Variants in GUCY1A1 observed in about 807,000 individuals in gnomAD.
GUCY1A1 encodes guanylate cyclase soluble subunit alpha-1.
GUCY1A1 carries 48 observed loss-of-function variants against 64.5 expected under a neutral mutation model. The ratio of observed to expected loss-of-function variants is 0.74; its 90% CI spans 0.59 to 0.95. The LOEUF (loss-of-function observed/expected upper bound fraction) is 0.95, where lower values mean the gene tolerates loss of function less well. GUCY1A1 is among the 40% of genes least tolerant of loss of function. GUCY1A1 has a pLI of 0.00. For synonymous variants in GUCY1A1, 308 were observed against 303.4 expected (o/e 1.02, Z -0.16); for missense variants, 804 against 825.3 (o/e 0.97, Z 0.32).
At chr4:155,688,215 G>A (rs186765408) in intron 2 of GUCY1A1, among the ~76,000 whole-genome samples, 89 of 151,372 alleles carry the variant, frequency 5.9e-4, no homozygotes, top group African/African-American at 2.1e-3. Flanking sequence ...GCGACAGAGC[G>A]AGACTCCTCA....
Position 155,732,159 on chromosome 4 carries a change from A to G in GUCY1A1, c.*1928A>G, listed in dbSNP as rs538508653. The G allele has an allele frequency of 6.6e-6, 1 of 152,020 alleles. No individual in the cohort carries two copies. Among genetic ancestry groups the G allele is most frequent in the Admixed American group, 6.6e-5 (1 of 15,222 alleles). The allele number at this position is 152,020 out of a possible 1,614,324, so 9.4% of individuals were successfully genotyped here. A position where few individuals can be genotyped will look rare whatever the true frequency, so the allele number is the denominator to read the frequency against. On this transcript the variant is annotated 3_prime_UTR_variant, in exon 10 of 10. Transcript: ENST00000506455. The stretch of plus-strand genomic sequence containing the variant: ...CTCAATTTGCTTACAATCTGTACTC[A>G]AAAAGTTTATAATTCAATCAGAATT...
At chr4:155,683,541 A>G (rs188402928) in intron 2 of GUCY1A1, among the ~76,000 whole-genome samples, 2 of 152,350 alleles carry the variant, frequency 1.3e-5, no homozygotes, top group Non-Finnish European at 2.9e-5. Flanking sequence ...GAAAATAGCA[A>G]ACTTGATTAA....
intron 2 of GUCY1A1, among the ~76,000 whole-genome samples, chr4:155,674,366 A>G (rs982395612): frequency 1.7e-4 from 26 of 150,326 alleles, no homozygotes; most frequent in Non-Finnish European, 1.5e-4. Context: ...AAAAAAAAAG[A>G]AAGAAAGAAA....
chr4:155,726,768 T>A (rs748152257), intron 9 of GUCY1A1, among the ~76,000 whole-genome samples: 6 of 151,978 alleles, frequency 3.9e-5, no homozygotes, highest in Non-Finnish European at 7.4e-5. Flanking sequence ...TTTTAGGGGA[T>A]AATATTCGAC....
chr4:155,724,657 TCA>T (rs1462255292), intron 9 of GUCY1A1, among the ~76,000 whole-genome samples: 1 of 152,140 alleles, frequency 6.6e-6, no homozygotes, highest in Admixed American at 6.6e-5. Flanking sequence ...CTACACCTTC[TCA>T]GTGTCTTCTC....
In GUCY1A1 at chr4:155,713,202, G is replaced by A. The variant is rs902772938; in HGVS notation, c.1191G>A (p.Gly397=). Residue 397 remains glycine, a synonymous_variant, in exon 7 of 10, where the codon GGG becomes GGA. Transcript: ENST00000506455. The stretch of plus-strand genomic sequence containing the variant: ...GATTAGAAGATTTTACAGGACGAGG[G>A]CTCTACCTCTCAGACATCCCAATTC... ...VDRLEDFTGR[G]LYLSDIPIHN... is the part of the protein sequence containing the mutation. 3 of 1,613,968 alleles carry A rather than the reference G, an allele frequency of 1.9e-6. No homozygotes were observed. The African/African-American group carries it at 4.0e-5, about 22-fold the overall frequency.
intron 7 of GUCY1A1, among the ~76,000 whole-genome samples, chr4:155,715,185 A>G (rs1357452407): frequency 6.7e-6 from 1 of 149,486 alleles, no homozygotes; most frequent in Non-Finnish European, 1.5e-5. Context: ...CTTTTTTTTC[A>G]CTTCTGATTT....
chr4:155,688,243 A>C (rs191666752), intron 2 of GUCY1A1, among the ~76,000 whole-genome samples: 44 of 149,342 alleles, frequency 2.9e-4, no homozygotes, highest in South Asian at 1.1e-3. Flanking sequence ...AAACAAACAA[A>C]AAAAAAAAAA....
rs767139155 is a variant in GUCY1A1 at position 155,735,950 on chromosome 4, T to C, written c.*5719T>C. ...ACTGCTTAATCACAGTGAGCTGCCG[T>C]CTTCCCTGAATAAGTTGTATCTTAT... On this transcript the variant is annotated 3_prime_UTR_variant, in exon 10 of 10. Coordinates refer to ENST00000506455, the MANE Select transcript of GUCY1A1 (RefSeq NM_001130682.3). 8 of 151,950 alleles carry C rather than the reference T, an allele frequency of 5.3e-5. No individual in the cohort carries two copies. Among genetic ancestry groups the C allele is most frequent in the Non-Finnish European group, 1.0e-4 (7 of 67,924 alleles). 9.4% of individuals were successfully genotyped at this position (151,950 alleles called of 1,614,324 possible).
At chr4:155,674,248 G>A (rs938057830) in intron 2 of GUCY1A1, among the ~76,000 whole-genome samples, 5 of 151,142 alleles carry the variant, frequency 3.3e-5, no homozygotes, top group South Asian at 2.1e-4. Flanking sequence ...CCAGCTATTC[G>A]GGAGGCTGAC....
Position 155,713,567 on chromosome 4 carries a change from A to G in GUCY1A1, c.1556A>G (p.Glu519Gly). 6.2e-7 allele frequency: 1 copy of G among 1,612,988 alleles called. No individual in the cohort carries two copies. Among genetic ancestry groups the G allele is most frequent in the Non-Finnish European group, 8.5e-7 (1 of 1,179,100 alleles). ...ACTCGCTTCGACCAGCAGTGTGGAG[A>G]GCTGGATGTCTACAAGGTAGGAGTG... Reference protein sequence around the residue: ...LYTRFDQQCGELDVYKVETIG... With the variant: ...LYTRFDQQCGGLDVYKVETIG... The change falls in exon 7 of 10, where the codon GAG (glutamate) becomes GGG (glycine). Residue 519 changes from glutamate (E) to glycine (G), a missense_variant. Glu to Gly is a moderately conservative substitution (Grantham distance 98). Coordinates refer to ENST00000506455, the MANE Select transcript of GUCY1A1 (RefSeq NM_001130682.3).
rs1470554324 is a variant in GUCY1A1 at position 155,675,599 on chromosome 4, A to G, written c.-113+8180A>G. 2.6e-5 allele frequency among the ~76,000 whole-genome samples: 4 copies of G among 151,586 alleles called. 1 individual carries two copies. The highest frequency in any genetic ancestry group is 9.8e-5 in the African/African-American group (4 of 40,850). Reference sequence around the variant, plus strand: ...ATTCCTCTTTGTCCAGCTCTATCCCAAATAACAATTTAATACACCGCAGCA... The same window carrying G: ...ATTCCTCTTTGTCCAGCTCTATCCCGAATAACAATTTAATACACCGCAGCA... On this transcript the variant is annotated intron_variant, in intron 2 of 9. Transcript: ENST00000506455.
At chr4:155,689,950 A>G (rs1729518937) in intron 2 of GUCY1A1, among the ~76,000 whole-genome samples, 1 of 152,202 alleles carries the variant, frequency 6.6e-6, no homozygotes, top group South Asian at 2.1e-4. Context: ...GACAGCTCAC[A>G]CTTACATGTA....
intron 9 of GUCY1A1, among the ~76,000 whole-genome samples, chr4:155,726,080 A>G (rs960316128): frequency 2.0e-5 from 3 of 152,020 alleles, no homozygotes; most frequent in Non-Finnish European, 4.4e-5. Flanking sequence ...TTTAATTTAT[A>G]TTGAACTTCA....
intron 5 of GUCY1A1, among the ~76,000 whole-genome samples, chr4:155,709,848 A>C (rs201909992): frequency 6.6e-6 from 1 of 152,170 alleles, no homozygotes; most frequent in East Asian, 1.9e-4. Flanking sequence ...AGAAAAAAAA[A>C]ATTGCCTCCT....
chr4:155,686,918 C>G (rs1009569932), intron 2 of GUCY1A1, among the ~76,000 whole-genome samples: 5 of 152,024 alleles, frequency 3.3e-5, no homozygotes, highest in African/African-American at 1.2e-4. Context: ...GCTGCAAATT[C>G]TATAATTTTT....
At position 155,723,791 on chromosome 4, in the gene GUCY1A1, T is replaced by A. The variant is rs549714876; in HGVS notation, c.1871+1599T>A. Among the ~76,000 whole-genome samples, 4 of 152,116 alleles carry A rather than the reference T, an allele frequency of 2.6e-5. No homozygotes were observed. The South Asian group carries it at 8.3e-4, about 32-fold the overall frequency. On this transcript the variant is annotated intron_variant, in intron 9 of 9. Transcript: ENST00000506455. ...GATTCTCCTGCCTCAGCCTCCCAAG[T>A]AGGTGGGATTACAGGCGCCCGCCTC...
chr4:155,726,052 A>C (rs1457386159), intron 9 of GUCY1A1, among the ~76,000 whole-genome samples: 1 of 152,188 alleles, frequency 6.6e-6, no homozygotes, highest in East Asian at 1.9e-4. Flanking sequence ...ACATGCATGA[A>C]TGACATTGAA....
At chr4:155,718,253 AT>A (rs1280274011) in intron 8 of GUCY1A1, among the ~76,000 whole-genome samples, 1 of 152,200 alleles carries the variant, frequency 6.6e-6, no homozygotes, top group Non-Finnish European at 1.5e-5. Flanking sequence ...TATAAAACAT[AT>A]AGAGAAGAAA....
Sources: gnomAD v4.1 joint callset for allele counts (sites outside exome capture counted in the v4.1 genomes callset) on GRCh38, gnomAD v4.1.1 for gene constraint, MANE v1.5 for transcripts, NCBI Gene and HGNC (gene_info 2026-07-23, HGNC 2026-07-21) for gene names.